IRAK1BP1: variants seen among roughly 807,000 people sequenced by gnomAD.
IRAK1BP1 encodes interleukin 1 receptor associated kinase 1 binding protein 1.
A neutral mutation model predicts 28.0 loss-of-function variants in IRAK1BP1; 24 were observed. The ratio of observed to expected loss-of-function variants is 0.86; its 90% CI spans 0.62 to 1.20. The LOEUF is 1.20. IRAK1BP1 is among the 50% of genes most tolerant of loss of function. IRAK1BP1 has a pLI of 0.00. For synonymous variants in IRAK1BP1, 131 were observed against 116.3 expected, an observed-to-expected ratio of 1.13 and a Z score of -0.81; for missense variants, 336 against 316.7, an observed-to-expected ratio of 1.06 and a Z score of -0.46.
At chr6:78,966,862 C>T in the IRAK1BP1 span, among the ~76,000 whole-genome samples, 140,385 of 152,290 alleles carry the variant, frequency 0.92, 64,836 homozygotes, top group East Asian at 1. Context: ...TAGGCTAGAG[C>T]CTGAAAGACT....
chr6:78,939,900 C>T (rs1773401638), intron 4 of IRAK1BP1: 1 of 152,356 alleles, frequency 6.6e-6, no homozygotes, highest in Admixed American at 6.6e-5. Flanking sequence ...ATAGCCTTTC[C>T]AATATTGAAA....
At chr6:78,909,329 CAT>C (rs906048980) in intron 4 of IRAK1BP1, among the ~76,000 whole-genome samples, 2 of 152,204 alleles carry the variant, frequency 1.3e-5, no homozygotes, top group Non-Finnish European at 2.9e-5. Context: ...TTTATCCAGA[CAT>C]AATCTCATGG....
the IRAK1BP1 span, chr6:78,961,859 A>C: frequency 3.5e-6 from 5 of 1,427,624 alleles, no homozygotes; most frequent in Admixed American, 4.2e-5. Flanking sequence ...TGCCTAAAAT[A>C]ATTCAAGAAG....
chr6:78,975,142 G>A, the IRAK1BP1 span, among the ~76,000 whole-genome samples: 15,992 of 151,490 alleles, frequency 0.11, 868 homozygotes, highest in Middle Eastern at 0.19. Context: ...CTGGCAAACC[G>A]AATCCAGCAG....
the IRAK1BP1 span, among the ~76,000 whole-genome samples, chr6:78,977,296 T>A: frequency 6.6e-6 from 1 of 151,370 alleles, no homozygotes; most frequent in Non-Finnish European, 1.5e-5. Flanking sequence ...AAACACCGCA[T>A]ATTCTCACTC....
At chr6:78,921,258 C>A (rs141008073) in intron 4 of IRAK1BP1, among the ~76,000 whole-genome samples, 5 of 152,180 alleles carry the variant, frequency 3.3e-5, no homozygotes, top group African/African-American at 4.8e-5. Context: ...TCTTCGCAAA[C>A]GGCACACCAG....
At chr6:78,914,887 C>G (rs1009386329) in intron 4 of IRAK1BP1, among the ~76,000 whole-genome samples, 2 of 152,180 alleles carry the variant, frequency 1.3e-5, no homozygotes, top group Non-Finnish European at 2.9e-5. Context: ...GTGGTGTGAT[C>G]TCAGCTCACT....
At chr6:78,914,599 A>C (rs1419953957) in intron 4 of IRAK1BP1, among the ~76,000 whole-genome samples, 1 of 152,206 alleles carries the variant, frequency 6.6e-6, no homozygotes, top group East Asian at 1.9e-4. Flanking sequence ...CTTTTAAAAA[A>C]TTAATTTAAG....
chr6:78,927,776 T>C (rs971234195), intron 4 of IRAK1BP1, among the ~76,000 whole-genome samples: 9 of 152,166 alleles, frequency 5.9e-5, no homozygotes, highest in Admixed American at 5.9e-4. Context: ...CCAGGCACCA[T>C]TTACTGAAAA....
At chr6:78,946,662 T>C (rs760306506), downstream of IRAK1BP1, 36 of 1,485,510 alleles carry the variant, frequency 2.4e-5, no homozygotes, top group Non-Finnish European at 3.2e-5. Context: ...TTCTATCATT[T>C]AGATGAAAGT....
chr6:78,891,080 G>GAAAA (rs1476168366), intron 2 of IRAK1BP1, among the ~76,000 whole-genome samples: 1 of 152,092 alleles, frequency 6.6e-6, no homozygotes, highest in East Asian at 1.9e-4. Context: ...AAAAATAAAG[G>GAAAA]AACTCATAGA....
intron 1 of IRAK1BP1, among the ~76,000 whole-genome samples, chr6:78,882,731 C>G (rs1005095120): frequency 2.0e-5 from 3 of 152,122 alleles, no homozygotes; most frequent in Admixed American, 2.0e-4. Flanking sequence ...AATACAGTAT[C>G]ATGGATTTGA....
At chr6:78,878,669 A>C (rs1449145661) in intron 1 of IRAK1BP1, among the ~76,000 whole-genome samples, 2 of 152,236 alleles carry the variant, frequency 1.3e-5, no homozygotes, top group Non-Finnish European at 2.9e-5. Flanking sequence ...TGAGAGAAGA[A>C]GGCTTCAGAC....
chr6:78,869,759 T>G (rs1200565305), intron 1 of IRAK1BP1, among the ~76,000 whole-genome samples: 1 of 152,178 alleles, frequency 6.6e-6, no homozygotes, highest in African/African-American at 2.4e-5. Context: ...GTAAGATTTA[T>G]AAACATCACT....
At chr6:78,890,059 G>C (rs1360577336) in intron 2 of IRAK1BP1, among the ~76,000 whole-genome samples, 1 of 152,162 alleles carries the variant, frequency 6.6e-6, no homozygotes, top group African/African-American at 2.4e-5. Flanking sequence ...AGAAAATATG[G>C]CACATATACA....
At chr6:78,904,073 A>G (rs116734752), downstream of IRAK1BP1, among the ~76,000 whole-genome samples, 49 of 152,326 alleles carry the variant, frequency 3.2e-4, no homozygotes, top group African/African-American at 1.2e-3. Context: ...TAAGACAGAT[A>G]CTGTTTATGG....
chr6:78,929,351 T>G (rs1214921808), intron 4 of IRAK1BP1, among the ~76,000 whole-genome samples: 2 of 152,184 alleles, frequency 1.3e-5, no homozygotes, highest in Non-Finnish European at 2.9e-5. Flanking sequence ...CATGGAATAC[T>G]AAGCAGCCAT....
downstream of IRAK1BP1, chr6:78,946,655 T>C (rs1773835214): frequency 1.3e-5 from 19 of 1,478,442 alleles, no homozygotes; most frequent in Admixed American, 2.7e-5. Flanking sequence ...CACCAAGTTC[T>C]ATCATTTAGA....
chr6:78,965,419 C>T, the IRAK1BP1 span, among the ~76,000 whole-genome samples: 1 of 152,186 alleles, frequency 6.6e-6, no homozygotes, highest in Non-Finnish European at 1.5e-5. Flanking sequence ...GTGTCTCTGC[C>T]TCCCAAATGC....
Sources: gnomAD v4.1 joint callset for allele counts (sites outside exome capture counted in the v4.1 genomes callset) on GRCh38, gnomAD v4.1.1 for gene constraint, MANE v1.5 for transcripts, NCBI Gene and HGNC (gene_info 2026-07-23, HGNC 2026-07-21) for gene names.